Variants in GBA1 observed in about 807,000 individuals in gnomAD.
GBA1 encodes lysosomal acid glucosylceramidase.
the GBA1 span, chr1:155,236,299 A>C: frequency 6.2e-7 from 1 of 1,614,114 alleles, no homozygotes; most frequent in Non-Finnish European, 8.5e-7. Context: ...CTAGCCGCAC[A>C]CTCTGCTCCC....
At chr1:155,240,619 G>A in the GBA1 span, 1 of 1,610,174 alleles carries the variant, frequency 6.2e-7, no homozygotes, top group Non-Finnish European at 8.5e-7. Context: ...CCACTGCCTT[G>A]ACTCACTCAC....
the GBA1 span, chr1:155,239,937 G>A: frequency 4.3e-6 from 7 of 1,614,050 alleles, no homozygotes; most frequent in Non-Finnish European, 5.9e-6. Flanking sequence ...TCCATCCGTC[G>A]CCCACTGCGT....
the GBA1 span, chr1:155,239,518 G>A: frequency 8.6e-5 from 111 of 1,293,158 alleles, no homozygotes; most frequent in South Asian, 1.6e-4. Flanking sequence ...CCGACAGAAT[G>A]GGCAGAGTGA....
the GBA1 span, among the ~76,000 whole-genome samples, chr1:155,239,444 T>C: frequency 6.6e-6 from 1 of 151,936 alleles, no homozygotes; most frequent in Admixed American, 6.6e-5. Context: ...GGCAGGAGAA[T>C]CACTATAGCC....
At chr1:155,240,182 G>C in the GBA1 span, 1 of 1,084,968 alleles carries the variant, frequency 9.2e-7, no homozygotes, top group Non-Finnish European at 1.4e-6. Context: ...CTCACCCCTT[G>C]GCCGGGCGCA....
the GBA1 span, among the ~76,000 whole-genome samples, chr1:155,239,097 A>G: frequency 6.6e-6 from 1 of 152,060 alleles, no homozygotes; most frequent in Non-Finnish European, 1.5e-5. Flanking sequence ...AGGCACCTGT[A>G]ATCCCAGGTA....
chr1:155,235,752 A>G, the GBA1 span: 2 of 1,614,108 alleles, frequency 1.2e-6, no homozygotes, highest in Non-Finnish European at 1.7e-6. Flanking sequence ...CAATGATGGG[A>G]CTGTCGACAA....
the GBA1 span, chr1:155,244,115 G>T: frequency 6.6e-6 from 1 of 152,196 alleles, no homozygotes; most frequent in Non-Finnish European, 1.5e-5. Context: ...AATAATGATG[G>T]TTGGCCGGGC....
the GBA1 span, chr1:155,239,762 C>T: frequency 2.5e-6 from 4 of 1,614,022 alleles, no homozygotes; most frequent in Non-Finnish European, 3.4e-6. Flanking sequence ...CAGTAGCAGG[C>T]CTGAGGACAT....
the GBA1 span, chr1:155,237,595 C>G: frequency 1.2e-6 from 2 of 1,612,846 alleles, no homozygotes; most frequent in Non-Finnish European, 1.7e-6. Flanking sequence ...AGAGAAAGGT[C>G]ATGAATGATC....
At chr1:155,237,392 GC>G in the GBA1 span, 1 of 1,614,002 alleles carries the variant, frequency 6.2e-7, no homozygotes, top group African/African-American at 1.3e-5. Flanking sequence ...GCATGAGTAG[GC>G]GGACATTGTG....
chr1:155,241,382 C>T, the GBA1 span: 2 of 560,462 alleles, frequency 3.6e-6, no homozygotes, highest in Non-Finnish European at 3.2e-6. Flanking sequence ...CCCTATAAAA[C>T]TCTGGAGGGC....
At chr1:155,242,061 C>T in the GBA1 span, among the ~76,000 whole-genome samples, 3 of 152,210 alleles carry the variant, frequency 2.0e-5, no homozygotes, top group Non-Finnish European at 2.9e-5. Context: ...GTGGCACACA[C>T]AGTCATGACC....
chr1:155,240,414 A>G, the GBA1 span: 1 of 618,692 alleles, frequency 1.6e-6, no homozygotes. Context: ...GAATGAGCCA[A>G]AATTGCACCA....
the GBA1 span, among the ~76,000 whole-genome samples, chr1:155,243,043 G>A: frequency 6.6e-6 from 1 of 152,302 alleles, no homozygotes; most frequent in East Asian, 1.9e-4. Flanking sequence ...TCACAGAATT[G>A]TTGTGAGGTT....
the GBA1 span, among the ~76,000 whole-genome samples, chr1:155,241,889 A>G: frequency 6.6e-6 from 1 of 152,314 alleles, no homozygotes; most frequent in East Asian, 1.9e-4. Flanking sequence ...TCATCATCAG[A>G]TGCAGATGGT....
chr1:155,238,984 C>T, the GBA1 span: 14 of 365,344 alleles, frequency 3.8e-5, no homozygotes, highest in East Asian at 7.6e-4. Context: ...TTTGGGAGGC[C>T]GATGTGGGCA....
chr1:155,241,556 A>C, the GBA1 span, among the ~76,000 whole-genome samples: 3 of 152,198 alleles, frequency 2.0e-5, no homozygotes, highest in African/African-American at 7.2e-5. Flanking sequence ...TAAAAAAAAA[A>C]ACTTCACTGT....
At chr1:155,242,065 C>T in the GBA1 span, among the ~76,000 whole-genome samples, 5 of 152,198 alleles carry the variant, frequency 3.3e-5, no homozygotes, top group African/African-American at 1.2e-4. Flanking sequence ...CACACACAGT[C>T]ATGACCTGAC....
Sources: allele counts gnomAD v4.1 joint callset (sites outside exome capture counted in the v4.1 genomes callset), GRCh38; gene constraint gnomAD v4.1.1; transcripts MANE v1.5; gene names NCBI Gene and HGNC (gene_info 2026-07-23, HGNC 2026-07-21).